LRP1B: variants seen among roughly 807,000 people sequenced by gnomAD.
LRP1B encodes the protein low-density lipoprotein receptor-related protein 1B.
Under a neutral mutation model 556.6 loss-of-function variants are expected in LRP1B, and 217 were observed. The ratio of observed to expected loss-of-function variants is 0.39; its 90% confidence interval spans 0.35 to 0.44. The LOEUF (loss-of-function observed/expected upper bound fraction) is 0.44, where lower values mean the gene tolerates loss of function less well. LRP1B is among the 20% of genes least tolerant of loss of function. The pLI is 1.00. For missense variants in LRP1B, 5,053 were observed against 5,620.8 expected (o/e 0.90, Z 3.23); for synonymous variants, 2,047 against 1,865.8 (o/e 1.10, Z -2.50).
chr2:140,722,010 C>A (rs978610347), intron 35 of LRP1B, among the ~76,000 whole-genome samples: 25 of 152,148 alleles, frequency 1.6e-4, no homozygotes, highest in African/African-American at 6.0e-4. Flanking sequence ...ACAGACTCCT[C>A]TGTGTCTTCT....
At chr2:140,569,653 A>C (rs999933063) in intron 43 of LRP1B, among the ~76,000 whole-genome samples, 1 of 151,972 alleles carries the variant, frequency 6.6e-6, no homozygotes, top group Admixed American at 6.6e-5. Context: ...GACATTCAAT[A>C]AGGAAACATT....
Position 140,655,697 on chromosome 2 carries a change from C to G in LRP1B, c.6799+44553G>C, listed in dbSNP as rs1684853269. 2.0e-5 allele frequency among the ~76,000 whole-genome samples: 3 copies of G among 152,192 alleles called. No homozygotes were observed. The South Asian group carries it at 6.2e-4, about 31-fold the overall frequency. Reference sequence around the variant, plus strand: ...GTGGCTCACGCCTGCAATCCCAGCACTTTGGGGGGCCGAGGCGGGTGGATC... The same window carrying G: ...GTGGCTCACGCCTGCAATCCCAGCAGTTTGGGGGGCCGAGGCGGGTGGATC... On this transcript the variant is annotated intron_variant, in intron 41 of 90. Coordinates refer to ENST00000389484, the MANE Select transcript of LRP1B (RefSeq NM_018557.3).
At chr2:141,914,993 A>G (rs1699994100) in intron 1 of LRP1B, among the ~76,000 whole-genome samples, 1 of 152,210 alleles carries the variant, frequency 6.6e-6, no homozygotes, top group Admixed American at 6.5e-5. Flanking sequence ...AGAATTAGAT[A>G]AACTAATCTA....
chr2:140,736,872 C>T lies in LRP1B; in HGVS notation c.5759-20056G>A, dbSNP rs373484093. ...CTGCCTGAAATAAGAGAGGTCAGAT[C>T]GTTGTGCTTACCTGCCAGAAACCAA... is the stretch of plus-strand genomic sequence containing the variant. On this transcript the variant is annotated intron_variant, in intron 35 of 90. Transcript: ENST00000389484. Among the ~76,000 whole-genome samples the T allele has an allele frequency of 1.3e-4, 20 of 152,152 alleles. No individual in the cohort carries two copies. The South Asian group carries it at 1.9e-3, about 14-fold the overall frequency.
intron 11 of LRP1B, among the ~76,000 whole-genome samples, chr2:141,030,345 A>G (rs1698332544): frequency 6.6e-6 from 1 of 152,064 alleles, no homozygotes; most frequent in African/African-American, 2.4e-5. Context: ...TATTTTATGT[A>G]TATCTCTATA....
chr2:140,436,599 GCTCA>G (rs60141795), intron 66 of LRP1B, among the ~76,000 whole-genome samples: 46,274 of 149,678 alleles, frequency 0.31, 7,627 homozygotes, highest in Non-Finnish European at 0.34. Flanking sequence ...ATATTATACT[GCTCA>G]CTGTCTTTTT....
chr2:140,936,779 C>T (rs997029294), intron 20 of LRP1B, among the ~76,000 whole-genome samples: 2 of 152,080 alleles, frequency 1.3e-5, no homozygotes, highest in Non-Finnish European at 2.9e-5. Context: ...TTGTTTTCTA[C>T]ACAATTTAAA....
rs899226501 is a variant in LRP1B at position 141,113,871 on chromosome 2, C to G, written c.1014-51598G>C. Among the ~76,000 whole-genome samples, 12 of 152,096 alleles carry G rather than the reference C, an allele frequency of 7.9e-5. No individual in the cohort carries two copies. In the South Asian group the frequency reaches 8.3e-4, roughly 10 times the overall value. On this transcript the variant is annotated intron_variant, in intron 7 of 90. Coordinates refer to ENST00000389484, the MANE Select transcript of LRP1B (RefSeq NM_018557.3). ...CAGTCACTATTAGGACACTCAGATA[C>G]AAAGATACAGTAATATAAATGAAAC...
At chr2:140,632,494 T>C (rs1683921568) in intron 41 of LRP1B, among the ~76,000 whole-genome samples, 1 of 151,716 alleles carries the variant, frequency 6.6e-6, no homozygotes, top group Non-Finnish European at 1.5e-5. Flanking sequence ...ACACTAAAAA[T>C]ATAAAGCAAA....
chr2:141,695,734 C>T (rs1206268224), intron 2 of LRP1B, among the ~76,000 whole-genome samples: 1 of 151,848 alleles, frequency 6.6e-6, no homozygotes, highest in African/African-American at 2.4e-5. Flanking sequence ...ACCCAAAAAC[C>T]AGATGAGGTC....
At chr2:140,535,217 TATC>T (rs749465161) in intron 46 of LRP1B, among the ~76,000 whole-genome samples, 6 of 152,270 alleles carry the variant, frequency 3.9e-5, no homozygotes, top group Non-Finnish European at 8.8e-5. Context: ...TCTACACAAA[TATC>T]ATCTGACTTC....
At chr2:141,357,781 C>G (rs1688679445) in intron 3 of LRP1B, among the ~76,000 whole-genome samples, 1 of 151,944 alleles carries the variant, frequency 6.6e-6, no homozygotes, top group African/African-American at 2.4e-5. Context: ...AGCACATAGA[C>G]TATGAATATG....
At chr2:140,280,564 G>A (rs1682873829) in intron 84 of LRP1B, among the ~76,000 whole-genome samples, 1 of 151,662 alleles carries the variant, frequency 6.6e-6, no homozygotes, top group Admixed American at 6.6e-5. Context: ...TGTATACTAG[G>A]AACCCTGGAA....
At chr2:141,095,491 ATT>A (rs35611430) in intron 7 of LRP1B, among the ~76,000 whole-genome samples, 10 of 148,372 alleles carry the variant, frequency 6.7e-5, no homozygotes, top group African/African-American at 2.0e-4. Flanking sequence ...CTAGAATTTA[ATT>A]TTTTTTTTTC....
chr2:140,516,587 A>C (rs1199469442), intron 50 of LRP1B, among the ~76,000 whole-genome samples: 2 of 152,184 alleles, frequency 1.3e-5, no homozygotes, highest in South Asian at 4.1e-4. Context: ...ATCAGGTACC[A>C]CCTAAAGTTA....
chr2:141,894,713 A>T (rs1030205781), intron 1 of LRP1B, among the ~76,000 whole-genome samples: 3 of 151,366 alleles, frequency 2.0e-5, no homozygotes, highest in Admixed American at 6.6e-5. Flanking sequence ...CAAGGATGCT[A>T]ACAATCATAA....
chr2:141,179,089 T>C (rs1211633463), intron 7 of LRP1B, among the ~76,000 whole-genome samples: 1 of 152,060 alleles, frequency 6.6e-6, no homozygotes, highest in African/African-American at 2.4e-5. Flanking sequence ...TAAATTTATA[T>C]GGATATATTT....
chr2:141,079,512 A>G (rs1015838847), intron 7 of LRP1B, among the ~76,000 whole-genome samples: 1 of 152,174 alleles, frequency 6.6e-6, no homozygotes, highest in Non-Finnish European at 1.5e-5. Flanking sequence ...AGCACAACAG[A>G]CTCACAAGCC....
chr2:142,104,911 C>G (rs1025948943), intron 1 of LRP1B, among the ~76,000 whole-genome samples: 2 of 152,148 alleles, frequency 1.3e-5, no homozygotes, highest in African/African-American at 4.8e-5. Flanking sequence ...TCTTTGGTTA[C>G]ATTTATTCAT....
Sources: gnomAD v4.1 joint callset for allele counts (sites outside exome capture counted in the v4.1 genomes callset) on GRCh38, gnomAD v4.1.1 for gene constraint, MANE v1.5 for transcripts, NCBI Gene and HGNC (gene_info 2026-07-23, HGNC 2026-07-21) for gene names.